NCOA1: variants seen among roughly 807,000 people sequenced by gnomAD.
NCOA1 encodes the protein Hin-2 protein.
Under a neutral mutation model 150.9 loss-of-function variants are expected in NCOA1, and 35 were observed. The ratio of observed to expected loss-of-function variants is 0.23; its 90% CI spans 0.18 to 0.31. NCOA1 has a LOEUF of 0.31. Among genes scored for constraint, NCOA1 ranks in the 10% least tolerant of loss-of-function variants. NCOA1 has a pLI of 1.00. For synonymous variants in NCOA1, 590 were observed against 630.0 expected (o/e 0.94, Z 0.95); for missense variants, 1,491 against 1,749.3 (o/e 0.85, Z 2.63).
chr2:24,744,360 AT>A (rs1216991317), intron 19 of NCOA1, among the ~76,000 whole-genome samples: 1 of 152,268 alleles, frequency 6.6e-6, no homozygotes, highest in Non-Finnish European at 1.5e-5. Context: ...GCAAACTGAA[AT>A]GAAATGGCAG....
chr2:24,509,727 A>G (rs952230533), intron 1 of NCOA1, among the ~76,000 whole-genome samples: 15 of 152,350 alleles, frequency 9.8e-5, no homozygotes, highest in African/African-American at 2.9e-4. Flanking sequence ...TCCATTTGCC[A>G]TATATGTAGG....
At chr2:24,575,284 T>G (rs370930451) in intron 2 of NCOA1, among the ~76,000 whole-genome samples, 2 of 152,250 alleles carry the variant, frequency 1.3e-5, no homozygotes, top group African/African-American at 4.8e-5. Context: ...TCATTTCAGA[T>G]TTTGTATTTT....
chr2:24,589,204 G>A (rs1232959632), intron 3 of NCOA1, among the ~76,000 whole-genome samples: 9 of 152,046 alleles, frequency 5.9e-5, no homozygotes, highest in Admixed American at 5.2e-4. Flanking sequence ...CCCTGGAATT[G>A]TGGCCACCGA....
intron 11 of NCOA1, among the ~76,000 whole-genome samples, chr2:24,702,017 GA>G (rs1396586661): frequency 3.3e-5 from 5 of 151,758 alleles, no homozygotes; most frequent in South Asian, 2.1e-4. Context: ...CTCAAAAAAA[GA>G]AAAAAAATAT....
chr2:24,605,463 G>T (rs1286264711), intron 3 of NCOA1, among the ~76,000 whole-genome samples: 1 of 152,114 alleles, frequency 6.6e-6, no homozygotes, highest in Non-Finnish European at 1.5e-5. Context: ...ATACTATTCA[G>T]TTAAGGGTAT....
intron 6 of NCOA1, among the ~76,000 whole-genome samples, chr2:24,672,039 A>G (rs1671708652): frequency 6.6e-6 from 1 of 152,172 alleles, no homozygotes; most frequent in African/African-American, 2.4e-5. Flanking sequence ...AGTAGAATCC[A>G]TGGATGTGGA....
chr2:24,500,445 G>A (rs1663413483), intron 1 of NCOA1, among the ~76,000 whole-genome samples: 1 of 152,332 alleles, frequency 6.6e-6, no homozygotes, highest in African/African-American at 2.4e-5. Context: ...CAAAATGGAA[G>A]AAATACTAGA....
At chr2:24,502,543 G>A (rs1663509339) in intron 1 of NCOA1, among the ~76,000 whole-genome samples, 1 of 152,148 alleles carries the variant, frequency 6.6e-6, no homozygotes, top group Non-Finnish European at 1.5e-5. Flanking sequence ...GAAACCTTCA[G>A]TGGTTCCTCA....
In NCOA1 at chr2:24,629,817, CATATAT is replaced by C. The variant is rs57598398; in HGVS notation, c.-174-14124_-174-14119del. Reference sequence around the variant, plus strand: ...GACACTGTTTTAAGTAACATACATACATATATATATATATATATATATATATATATG... The same window carrying C: ...GACACTGTTTTAAGTAACATACATACATATATATATATATATATATATATG... On this transcript the variant is annotated intron_variant, in intron 3 of 22. Transcript: ENST00000348332. 8.3e-3 allele frequency among the ~76,000 whole-genome samples: 657 copies of C among 79,352 alleles called. 14 individuals carry two copies. The highest frequency in any genetic ancestry group is 8.2e-3 in the Admixed American group (45 of 5,490). 52.1% of individuals were successfully genotyped at this position (79,352 alleles called of 152,430 possible).
At position 24,533,413 on chromosome 2, in the gene NCOA1, C is replaced by T. The variant is rs572070885; in HGVS notation, c.-395-30882C>T. ...GAGAATAGAGACAATTTGACTTTCT[C>T]TTTTCCTAATTGAATACTCTTTATT... is the stretch of plus-strand genomic sequence containing the variant. On this transcript the variant is annotated intron_variant, in intron 1 of 22. Transcript: ENST00000348332. Among the ~76,000 whole-genome samples, 30 of 152,288 alleles carry T rather than the reference C, an allele frequency of 2.0e-4. No individual in the cohort carries two copies. In the South Asian group the frequency reaches 6.2e-3, roughly 32 times the overall value.
chr2:24,612,987 GT>G (rs1433174146), intron 3 of NCOA1, among the ~76,000 whole-genome samples: 4 of 152,022 alleles, frequency 2.6e-5, no homozygotes, highest in African/African-American at 9.7e-5. Context: ...TCTTGCACTG[GT>G]TCCTTCTCAT....
chr2:24,627,628 C>G (rs565082474), intron 3 of NCOA1, among the ~76,000 whole-genome samples: 26 of 152,306 alleles, frequency 1.7e-4, no homozygotes, highest in African/African-American at 5.8e-4. Flanking sequence ...TCTTCTAACA[C>G]ATATAAAACC....
intron 19 of NCOA1, among the ~76,000 whole-genome samples, chr2:24,751,134 T>C (rs1558338853): frequency 6.6e-6 from 1 of 150,696 alleles, no homozygotes; most frequent in African/African-American, 2.4e-5. Flanking sequence ...ATAACAGGCG[T>C]TTTTGTATTT....
chr2:24,553,580 C>T (rs7423880), intron 1 of NCOA1, among the ~76,000 whole-genome samples: 5,273 of 152,224 alleles, frequency 0.035, 119 homozygotes, highest in East Asian at 0.11. Context: ...GTTAATGTGG[C>T]GTATTACATT....
rs534645868 is a variant in NCOA1, at chr2:24,750,060, C to G, written c.3707-1922C>G. Among the ~76,000 whole-genome samples the G allele has an allele frequency of 1.4e-3, 208 of 151,024 alleles. 2 individuals carry two copies. Among genetic ancestry groups the G allele is most frequent in the African/African-American group, 4.8e-3 (197 of 41,130 alleles). ...AAAAACAAAACAAAACAAAAAAAAC[C>G]CTAGATGAGATAAACAGCAGATTAG... On this transcript the variant is annotated intron_variant, in intron 19 of 22. Transcript: ENST00000348332.
intron 22 of NCOA1, chr2:24,767,773 A>C (rs1665142454): frequency 3.4e-6 from 1 of 292,148 alleles, no homozygotes; most frequent in African/African-American, 2.2e-5. Context: ...TTGTTTTGCT[A>C]ATACTGGTTG....
chr2:24,679,529 A>T (rs1043495223), intron 7 of NCOA1, among the ~76,000 whole-genome samples: 3 of 152,210 alleles, frequency 2.0e-5, no homozygotes, highest in African/African-American at 7.2e-5. Context: ...TTATAATACA[A>T]AGCAAGTTAA....
intron 18 of NCOA1, 82 bp from the exon 19 acceptor site, chr2:24,741,702 A>C: frequency 7.1e-7 from 1 of 1,414,462 alleles, no homozygotes; most frequent in Non-Finnish European, 9.5e-7. Context: ...GCCCCAAGCA[A>C]GTAGGCCTTA....
chr2:24,689,253 G>A (rs1672550839), intron 8 of NCOA1, among the ~76,000 whole-genome samples: 1 of 152,106 alleles, frequency 6.6e-6, no homozygotes, highest in Non-Finnish European at 1.5e-5. Context: ...CCAGTTCTGT[G>A]AAAAATGTCA....
Sources: allele counts gnomAD v4.1 joint callset (sites outside exome capture counted in the v4.1 genomes callset), GRCh38; gene constraint gnomAD v4.1.1; transcripts MANE v1.5; gene names NCBI Gene and HGNC (gene_info 2026-07-23, HGNC 2026-07-21).